Variants in SDK1 observed in about 807,000 individuals in gnomAD.
The protein encoded by SDK1 is sidekick cell adhesion molecule 1, also known as protein sidekick-1.
SDK1 carries 157 observed loss-of-function variants against 245.5 expected under a neutral mutation model. The observed-to-expected ratio is 0.64, with a 90% CI of 0.56 to 0.73. The LOEUF is 0.73. SDK1 is among the 30% of genes least tolerant of loss of function. The pLI, the probability that SDK1 is intolerant of heterozygous loss-of-function variation, is 0.00. For synonymous variants in SDK1, 1,647 were observed against 1,278.5 expected, an observed-to-expected ratio of 1.29 and a Z score of -6.15; for missense variants, 3,583 against 3,002.3, an observed-to-expected ratio of 1.19 and a Z score of -4.52.
intron 5 of SDK1, among the ~76,000 whole-genome samples, chr7:3,914,193 T>G (rs1163434149): frequency 1.3e-5 from 2 of 152,246 alleles, no homozygotes; most frequent in South Asian, 2.1e-4. Context: ...TTATCATAAT[T>G]AGGTGCAAGT....
intron 1 of SDK1, among the ~76,000 whole-genome samples, chr7:3,519,767 C>T (rs1273251748): frequency 6.6e-6 from 1 of 151,928 alleles, no homozygotes; most frequent in Admixed American, 6.6e-5. Context: ...AGAGGAGACT[C>T]ATATAATAGA....
chr7:4,055,879 C>G (rs1269110967), intron 19 of SDK1, among the ~76,000 whole-genome samples: 1 of 152,110 alleles, frequency 6.6e-6, no homozygotes, highest in East Asian at 1.9e-4. Context: ...GAGATACTCT[C>G]TGTGACCCAT....
intron 35 of SDK1, among the ~76,000 whole-genome samples, chr7:4,203,856 G>T (rs943334340): frequency 6.6e-6 from 1 of 152,246 alleles, no homozygotes; most frequent in Admixed American, 6.5e-5. Context: ...GTAATTTTAC[G>T]GTCCAGAAGT....
intron 1 of SDK1, among the ~76,000 whole-genome samples, chr7:3,613,063 A>T (rs1583227027): frequency 6.6e-6 from 1 of 152,232 alleles, no homozygotes; most frequent in Non-Finnish European, 1.5e-5. Flanking sequence ...CAGAGTCAAA[A>T]GAAGAACTTG....
intron 4 of SDK1, among the ~76,000 whole-genome samples, chr7:3,737,372 G>A (rs1779345724): frequency 6.6e-6 from 1 of 152,234 alleles, no homozygotes; most frequent in African/African-American, 2.4e-5. Context: ...GGGTGGTGCA[G>A]GGGGGCGTCC....
intron 5 of SDK1, among the ~76,000 whole-genome samples, chr7:3,877,756 C>T (rs1366223097): frequency 6.6e-6 from 1 of 152,154 alleles, no homozygotes; most frequent in Non-Finnish European, 1.5e-5. Flanking sequence ...ATCCTAAAGT[C>T]AATGTGGATA....
At position 4,223,330 on chromosome 7, in the gene SDK1, A is replaced by T. The variant is rs552192300; in HGVS notation, c.5827+1966A>T. On this transcript the variant is annotated intron_variant, in intron 40 of 44. Coordinates refer to ENST00000404826, the MANE Select transcript of SDK1 (RefSeq NM_152744.4). ...ATGGATGCAGGCACATTCGTTATCC[A>T]GGGCTGCCTTAGCAAAGTCCCACAA... Among the ~76,000 whole-genome samples the T allele has an allele frequency of 3.9e-5, 6 of 152,368 alleles. No homozygotes were observed. The East Asian group carries it at 7.7e-4, about 20-fold the overall frequency.
intron 4 of SDK1, among the ~76,000 whole-genome samples, chr7:3,662,996 A>G (rs1469556771): frequency 6.6e-6 from 1 of 152,224 alleles, no homozygotes; most frequent in Non-Finnish European, 1.5e-5. Context: ...ATATGCAAGT[A>G]TGCATGCATG....
chr7:3,619,115 C>A lies in SDK1; in HGVS notation c.334C>A (p.Leu112Ile), dbSNP rs1052131391. 2.5e-6 allele frequency: 4 copies of A among 1,612,690 alleles called. No homozygotes were observed. The highest frequency in any genetic ancestry group is 2.5e-6 in the Non-Finnish European group (3 of 1,178,990). ...VAPYFKTEPG[L>I]PQIHLEGNRL... ...TCCATATTTTAAAACGGAGCCAGGC[C>A]TACCACAGATCCACCTGGAAGGGAA... The change falls in exon 2 of 45, where the codon CTA becomes ATA. Residue 112 changes from leucine (L) to isoleucine (I), a missense_variant. Coordinates refer to ENST00000404826, the MANE Select transcript of SDK1 (RefSeq NM_152744.4).
intron 35 of SDK1, among the ~76,000 whole-genome samples, chr7:4,181,989 A>G (rs1782628121): frequency 6.6e-6 from 1 of 152,030 alleles, no homozygotes; most frequent in Admixed American, 6.6e-5. Flanking sequence ...GCATGATCTC[A>G]GCTCACTGCA....
At chr7:3,325,713 A>G (rs929241398) in intron 1 of SDK1, among the ~76,000 whole-genome samples, 2 of 152,202 alleles carry the variant, frequency 1.3e-5, no homozygotes, top group African/African-American at 4.8e-5. Context: ...CTGTTACAAA[A>G]GTACCAGAAA....
At chr7:4,207,230 G>A (rs1331675581) in intron 36 of SDK1, among the ~76,000 whole-genome samples, 2 of 152,194 alleles carry the variant, frequency 1.3e-5, no homozygotes, top group African/African-American at 4.8e-5. Context: ...CTGCCTCCCC[G>A]AAGCCTCCGT....
At position 3,672,051 on chromosome 7, in the gene SDK1, A is replaced by G. The variant is rs570450743; in HGVS notation, c.713+29946A>G. Among the ~76,000 whole-genome samples, 24 of 152,158 alleles carry G rather than the reference A, an allele frequency of 1.6e-4. No individual in the cohort carries two copies. The South Asian group carries it at 4.8e-3, about 30-fold the overall frequency. ...CTCTGAAGTCCTGGCGGCCTCTGGG[A>G]GGGCTTATCCATGATATGGGACACA... On this transcript the variant is annotated intron_variant, in intron 4 of 44. Coordinates refer to ENST00000404826, the MANE Select transcript of SDK1 (RefSeq NM_152744.4).
At chr7:3,592,357 C>T (rs914762316) in intron 1 of SDK1, among the ~76,000 whole-genome samples, 1 of 152,198 alleles carries the variant, frequency 6.6e-6, no homozygotes, top group Admixed American at 6.5e-5. Flanking sequence ...AGAATCCCTG[C>T]AAAATGAGAA....
intron 5 of SDK1, among the ~76,000 whole-genome samples, chr7:3,943,285 C>T (rs1016199079): frequency 1.3e-5 from 2 of 149,966 alleles, no homozygotes; most frequent in Non-Finnish European, 3.0e-5. Context: ...GCAGGATGTT[C>T]CCTCTGAGCT....
intron 19 of SDK1, among the ~76,000 whole-genome samples, chr7:4,065,677 C>T (rs1779831078): frequency 1.4e-5 from 2 of 142,558 alleles, no homozygotes; most frequent in African/African-American, 2.6e-5. Context: ...AAAGTTTCAC[C>T]CAGATGAGTG....
intron 11 of SDK1, among the ~76,000 whole-genome samples, chr7:3,969,937 A>G (rs920932181): frequency 6.6e-6 from 1 of 152,338 alleles, no homozygotes; most frequent in African/African-American, 2.4e-5. Context: ...ACTAACTATC[A>G]ATGTTTCTTG....
At chr7:3,807,944 A>T (rs1022878929) in intron 4 of SDK1, among the ~76,000 whole-genome samples, 9 of 152,164 alleles carry the variant, frequency 5.9e-5, no homozygotes, top group African/African-American at 2.2e-4. Context: ...TCTCCTGCCA[A>T]CACTAAGGGA....
chr7:3,515,695 G>C (rs528871408), intron 1 of SDK1, among the ~76,000 whole-genome samples: 1 of 152,154 alleles, frequency 6.6e-6, no homozygotes, highest in Admixed American at 6.5e-5. Flanking sequence ...GTTAGCCAAA[G>C]AGAAATGTTG....
Sources: allele counts gnomAD v4.1 joint callset (sites outside exome capture counted in the v4.1 genomes callset), GRCh38; gene constraint gnomAD v4.1.1; transcripts MANE v1.5; gene names NCBI Gene and HGNC (gene_info 2026-07-23, HGNC 2026-07-21).